NUP210L: variants seen among roughly 807,000 people sequenced by gnomAD.
The protein encoded by NUP210L is nucleoporin 210 like.
A neutral mutation model predicts 208.5 loss-of-function variants in NUP210L; 74 were observed. The observed-to-expected ratio is 0.35, with a 90% confidence interval of 0.29 to 0.43. The LOEUF (loss-of-function observed/expected upper bound fraction) is 0.43. Among genes scored for constraint, NUP210L ranks in the 20% least tolerant of loss-of-function variants. The pLI, the probability that NUP210L is intolerant of heterozygous loss-of-function variation, is 1.00. For synonymous variants in NUP210L, 780 were observed against 816.9 expected (o/e 0.95, Z 0.77); for missense variants, 1,843 against 2,289.4 (o/e 0.81, Z 3.98).
intron 17 of NUP210L, 146 bp downstream of exon 17, chr1:154,070,127 C>A (rs77452600): frequency 0.07 from 42,637 of 612,828 alleles, 2,504 homozygotes; most frequent in East Asian, 0.21. Context: ...GTGCAGCAAA[C>A]CAACATGGCA....
At chr1:154,130,875 G>A (rs1658213358) in intron 7 of NUP210L, among the ~76,000 whole-genome samples, 1 of 151,980 alleles carries the variant, frequency 6.6e-6, no homozygotes, top group African/African-American at 2.4e-5. Context: ...ATGAGCCACT[G>A]TGCCCGGCCT....
At chr1:154,032,807 A>G (rs1006276271) in intron 27 of NUP210L, among the ~76,000 whole-genome samples, 4 of 150,236 alleles carry the variant, frequency 2.7e-5, no homozygotes, top group African/African-American at 9.8e-5. Context: ...AGTCCCAGCT[A>G]CTCCAGAGGC....
intron 16 of NUP210L, among the ~76,000 whole-genome samples, chr1:154,072,091 T>G (rs969020777): frequency 3.9e-5 from 6 of 152,154 alleles, no homozygotes; most frequent in Admixed American, 3.9e-4. Context: ...TATAAACATG[T>G]GTGCAAGTAT....
chr1:154,021,195 C>T (rs1651540549), intron 32 of NUP210L, among the ~76,000 whole-genome samples: 1 of 152,244 alleles, frequency 6.6e-6, no homozygotes, highest in Non-Finnish European at 1.5e-5. Flanking sequence ...CCACCTCAGC[C>T]TCCCAAAGTG....
intron 25 of NUP210L, among the ~76,000 whole-genome samples, chr1:154,047,896 T>C (rs917975661): frequency 1.3e-5 from 2 of 152,070 alleles, no homozygotes; most frequent in African/African-American, 2.4e-5. Flanking sequence ...CAAAGGGTCA[T>C]TGGAGCGACG....
At chr1:154,014,688 A>G (rs1406664836) in intron 33 of NUP210L, among the ~76,000 whole-genome samples, 3 of 152,188 alleles carry the variant, frequency 2.0e-5, no homozygotes, top group Non-Finnish European at 2.9e-5. Context: ...CCATGTGCAC[A>G]CATATTGAGT....
chr1:153,994,668 T>A (rs761330242), intron 38 of NUP210L, among the ~76,000 whole-genome samples: 2 of 151,972 alleles, frequency 1.3e-5, no homozygotes, highest in Non-Finnish European at 2.9e-5. Context: ...GTTTACACTG[T>A]TTGTTAAAAT....
chr1:154,040,361 A>C (rs1652800843), intron 27 of NUP210L, among the ~76,000 whole-genome samples: 1 of 151,872 alleles, frequency 6.6e-6, no homozygotes, highest in South Asian at 2.1e-4. Context: ...CAATATAATA[A>C]GACCTTGTAT....
At chr1:154,144,300 G>A (rs139792292) in intron 2 of NUP210L, among the ~76,000 whole-genome samples, 1 of 152,162 alleles carries the variant, frequency 6.6e-6, no homozygotes. Flanking sequence ...TTTCTTTTAT[G>A]AAATAATGGT....
chr1:154,021,938 G>T (rs1375447638), intron 32 of NUP210L, among the ~76,000 whole-genome samples, 188 bp downstream of exon 32: 1 of 152,040 alleles, frequency 6.6e-6, no homozygotes, highest in Non-Finnish European at 1.5e-5. Context: ...ATATTCTAGG[G>T]GATTAATTGC....
intron 29 of NUP210L, 69 bp from the exon 30 acceptor site, chr1:154,025,785 T>C: frequency 1.4e-6 from 2 of 1,405,332 alleles, no homozygotes; most frequent in Non-Finnish European, 2.0e-6. Flanking sequence ...AGAGTAAAAA[T>C]TTCCAGGATT....
At position 154,029,390 on chromosome 1, in the gene NUP210L, A is replaced by AAC. The variant is rs1413436492; in HGVS notation, c.3855+505_3855+506insGT. Among the ~76,000 whole-genome samples the AAC allele has an allele frequency of 4.7e-3, 691 of 147,554 alleles. 8 individuals carry two copies. The highest frequency in any genetic ancestry group is 0.017 in the African/African-American group (666 of 39,886). On this transcript the variant is annotated intron_variant, in intron 28 of 39. Coordinates refer to ENST00000368559, the Ensembl canonical transcript of NUP210L. ...AAGACTGTCTCAAAAAAAAAAAAAA[A>AAC]AAAAAAAAAAACCACAAAAAAACAA...
At position 154,133,558 on chromosome 1, in the gene NUP210L, G is replaced by C. The variant is rs553336895; in HGVS notation, c.1009+2256C>G. ...TCTCTAAAAAAAAAAAAAAAAATCTGGCTGGGTGTGGTGGCTCATGCCTGG... is the reference window on the plus strand; with the variant it reads ...TCTCTAAAAAAAAAAAAAAAAATCTCGCTGGGTGTGGTGGCTCATGCCTGG... On this transcript the variant is annotated intron_variant, in intron 7 of 39. Transcript: ENST00000368559. Among the ~76,000 whole-genome samples the C allele has an allele frequency of 2.0e-5, 3 of 151,596 alleles. No homozygotes were observed. The South Asian group carries it at 6.3e-4, about 32-fold the overall frequency.
chr1:154,024,401 G>A (rs980487460), intron 30 of NUP210L, among the ~76,000 whole-genome samples: 1 of 152,112 alleles, frequency 6.6e-6, no homozygotes, highest in Non-Finnish European at 1.5e-5. Flanking sequence ...GTAGTTAAAA[G>A]AGATAATATA....
At chr1:154,066,559 T>A (rs1388322211) in intron 17 of NUP210L, among the ~76,000 whole-genome samples, 1 of 152,076 alleles carries the variant, frequency 6.6e-6, no homozygotes, top group Non-Finnish European at 1.5e-5. Context: ...TGCAGTGAGC[T>A]GAGATAGTGC....
intron 4 of NUP210L, 44 bp downstream of exon 4, chr1:154,141,387 G>A (rs1433187243): frequency 8.2e-7 from 1 of 1,214,050 alleles, no homozygotes; most frequent in African/African-American, 1.5e-5. Flanking sequence ...AATGGCAGAT[G>A]TCTTCTTCAT....
chr1:154,024,385 T>C (rs1651733489), intron 30 of NUP210L, among the ~76,000 whole-genome samples: 1 of 152,098 alleles, frequency 6.6e-6, no homozygotes. Context: ...TCATAGGGCT[T>C]TTGTGGTAGT....
chr1:154,138,267 AAC>A (rs1658649395), intron 5 of NUP210L, 29 bp from the exon 6 acceptor site: 1 of 1,520,286 alleles, frequency 6.6e-7, no homozygotes, highest in Non-Finnish European at 8.7e-7. Context: ...GAAAAAAAAA[AAC>A]AGTTTCCATG....
chr1:154,137,290 C>T (rs566356574), intron 6 of NUP210L, among the ~76,000 whole-genome samples: 11 of 152,138 alleles, frequency 7.2e-5, no homozygotes, highest in African/African-American at 1.9e-4. Context: ...TGATGGCTCA[C>T]GCCTGTAATC....
Sources: gnomAD v4.1 joint callset for allele counts (sites outside exome capture counted in the v4.1 genomes callset) on GRCh38, gnomAD v4.1.1 for gene constraint, MANE v1.5 for transcripts, NCBI Gene and HGNC (gene_info 2026-07-23, HGNC 2026-07-21) for gene names.